MICAL2: variants seen among roughly 807,000 people sequenced by gnomAD.
The protein encoded by MICAL2 is microtubule associated monooxygenase, calponin and LIM domain containing 2, also known as [F-actin]-monooxygenase MICAL2.
Under a neutral mutation model 127.3 loss-of-function variants are expected in MICAL2, and 77 were observed. That is an observed-to-expected ratio of 0.60 (90% CI 0.50 to 0.73). MICAL2 has a LOEUF of 0.73. Among genes scored for constraint, MICAL2 ranks in the 30% least tolerant of loss-of-function variants. MICAL2 has a pLI of 0.00. For missense variants in MICAL2, 1,351 were observed against 1,434.4 expected, an observed-to-expected ratio of 0.94 and a Z score of 0.94; for synonymous variants, 570 against 551.1, an observed-to-expected ratio of 1.03 and a Z score of -0.48.
intron 2 of MICAL2, among the ~76,000 whole-genome samples, chr11:12,143,928 G>T (rs543972359): frequency 6.6e-6 from 1 of 152,268 alleles, no homozygotes; most frequent in East Asian, 1.9e-4. Context: ...AAGAATAATG[G>T]CGGAGAGAGA....
chr11:12,220,314 A>G lies in MICAL2; in HGVS notation c.1062A>G (p.Leu354=). The G allele has an allele frequency of 1.2e-6, 2 of 1,614,190 alleles. No individual in the cohort carries two copies. Among genetic ancestry groups the G allele is most frequent in the African/African-American group, 2.7e-5 (2 of 75,034 alleles). ...CCACCAACTACCAGCTGCCATCCTT[A>G]GACTTTGCCATGAACCACTATGGGC... The part of the protein sequence containing the change: ...DFATNYQLPS[L]DFAMNHYGQP... Residue 354 remains leucine (L), a synonymous_variant, in exon 9 of 28, where the codon TTA becomes TTG. Transcript: ENST00000683283.
At chr11:12,324,217 G>A (rs2134847796) in intron 31 of MICAL2, 1 of 995,682 alleles carries the variant, frequency 1.0e-6, no homozygotes, top group East Asian at 3.0e-5. Context: ...CCAGATTTGT[G>A]GCCGTTTTAA....
chr11:12,347,113 G>A (rs571201365), intron 32 of MICAL2, among the ~76,000 whole-genome samples: 3 of 147,804 alleles, frequency 2.0e-5, no homozygotes, highest in South Asian at 2.2e-4. Flanking sequence ...CTTCCCCATT[G>A]CCTTGTGTTT....
intron 15 of MICAL2, among the ~76,000 whole-genome samples, chr11:12,230,176 G>T (rs529632237): frequency 1.3e-5 from 2 of 152,300 alleles, no homozygotes; most frequent in East Asian, 3.9e-4. Context: ...ATACCTTGTT[G>T]TATCTGAATG....
chr11:12,257,035 G>A, intron 24 of MICAL2, 64 bp downstream of exon 24: 1 of 1,506,434 alleles, frequency 6.6e-7, no homozygotes, highest in Non-Finnish European at 8.9e-7. Flanking sequence ...CCTTGGCTCG[G>A]GTTCCTGTCC....
intron 3 of MICAL2, among the ~76,000 whole-genome samples, chr11:12,189,603 A>G (rs1858806855): frequency 6.6e-6 from 1 of 152,054 alleles, no homozygotes; most frequent in South Asian, 2.1e-4. Flanking sequence ...CACCCCCACT[A>G]CCTCCACCAC....
rs146607427 is a variant in MICAL2 at position 12,149,031 on chromosome 11, T to G, written c.-78+10571T>G. Reference sequence around the variant, plus strand: ...GGTGGGTTGGGTTTGGTGACCAGTCTGCCTGACTCCAGAGTCCAAACTGGG... The same window carrying G: ...GGTGGGTTGGGTTTGGTGACCAGTCGGCCTGACTCCAGAGTCCAAACTGGG... On this transcript the variant is annotated intron_variant, in intron 2 of 27. Transcript: ENST00000683283. Among the ~76,000 whole-genome samples the G allele has an allele frequency of 4.7e-3, 713 of 152,318 alleles. 3 individuals carry two copies. The highest frequency in any genetic ancestry group is 6.8e-3 in the Middle Eastern group (2 of 294).
chr11:12,267,476 T>C (rs755172023), downstream of MICAL2, among the ~76,000 whole-genome samples: 4 of 152,108 alleles, frequency 2.6e-5, no homozygotes, highest in Non-Finnish European at 5.9e-5. Context: ...CCAGAAGCTG[T>C]CCATTCCTCA....
intron 5 of MICAL2, among the ~76,000 whole-genome samples, chr11:12,208,974 C>T (rs1267366752): frequency 6.6e-6 from 1 of 152,130 alleles, no homozygotes; most frequent in Non-Finnish European, 1.5e-5. Context: ...TAACCTTTTC[C>T]AGACCTCTAG....
intron 15 of MICAL2, among the ~76,000 whole-genome samples, chr11:12,227,852 C>T (rs761508270): frequency 6.6e-6 from 1 of 152,200 alleles, no homozygotes; most frequent in Non-Finnish European, 1.5e-5. Context: ...GTCTGACAGA[C>T]ATGATAGTGT....
chr11:12,334,893 A>G (rs982508666), intron 32 of MICAL2, among the ~76,000 whole-genome samples: 1 of 152,126 alleles, frequency 6.6e-6, no homozygotes, highest in Admixed American at 6.5e-5. Flanking sequence ...GGCTATTGTG[A>G]ATAGTGCTGC....
rs140929350 is a variant in MICAL2 at position 12,137,857 on chromosome 11, A to G, written c.-148-533A>G. ...TTTTCTGCAGAAGCAATAGGATGTC[A>G]TGAAATAATGTGGGTCGTCACTGGA... On this transcript the variant is annotated intron_variant, in intron 1 of 27. Coordinates refer to ENST00000683283, the MANE Select transcript of MICAL2 (RefSeq NM_001282663.2). Among the ~76,000 whole-genome samples, 13 of 152,352 alleles carry G rather than the reference A, an allele frequency of 8.5e-5. 1 individual carries two copies. The East Asian group carries it at 2.1e-3, about 25-fold the overall frequency.
intron 15 of MICAL2, among the ~76,000 whole-genome samples, chr11:12,227,839 G>A (rs1857670953): frequency 6.6e-6 from 1 of 152,190 alleles, no homozygotes; most frequent in Admixed American, 6.5e-5. Flanking sequence ...CATTTTTCAA[G>A]ATGTCTGACA....
At chr11:12,311,044 C>A (rs1452577793) in intron 29 of MICAL2, among the ~76,000 whole-genome samples, 2 of 152,060 alleles carry the variant, frequency 1.3e-5, no homozygotes, top group Non-Finnish European at 2.9e-5. Context: ...TTGTATCCTG[C>A]AAATTTACTA....
rs1372754970 is a variant in MICAL2 at position 12,204,476 on chromosome 11, G to A, written c.472+19G>A. On this transcript the variant is annotated intron_variant, in intron 4 of 27. Coordinates refer to ENST00000683283, the MANE Select transcript of MICAL2 (RefSeq NM_001282663.2). Reference sequence around the variant, plus strand: ...CATATCAGTGAGTGGAGTCTATGGTGATATCCCATGAAGGGAGGGGACTGA... The same window carrying A: ...CATATCAGTGAGTGGAGTCTATGGTAATATCCCATGAAGGGAGGGGACTGA... 2 of 1,611,494 alleles carry A rather than the reference G, an allele frequency of 1.2e-6. No individual in the cohort carries two copies. The highest frequency in any genetic ancestry group is 2.2e-5 in the East Asian group (1 of 44,864).
chr11:12,271,184 T>C (rs1209932050), upstream of MICAL2, among the ~76,000 whole-genome samples: 1 of 152,218 alleles, frequency 6.6e-6, no homozygotes, highest in Admixed American at 6.5e-5. Flanking sequence ...TGGGCAAAGC[T>C]GCTTCGTGCC....
At chr11:12,163,207 A>G (rs1855046766) in intron 3 of MICAL2, among the ~76,000 whole-genome samples, 1 of 152,118 alleles carries the variant, frequency 6.6e-6, no homozygotes, top group African/African-American at 2.4e-5. Context: ...TTTCTCTGAC[A>G]TTTCTGAAAT....
chr11:12,143,303 C>A (rs1166951704), intron 2 of MICAL2, among the ~76,000 whole-genome samples: 1 of 152,060 alleles, frequency 6.6e-6, no homozygotes, highest in Non-Finnish European at 1.5e-5. Flanking sequence ...GCTGAGGGTG[C>A]AAGGAATGAG....
chr11:12,291,794 C>A (rs370557341), downstream of MICAL2, among the ~76,000 whole-genome samples: 2 of 152,226 alleles, frequency 1.3e-5, no homozygotes, highest in African/African-American at 4.8e-5. Flanking sequence ...TAACACAGCC[C>A]AGCTCCCAAC....
Sources: gnomAD v4.1 joint callset for allele counts (sites outside exome capture counted in the v4.1 genomes callset) on GRCh38, gnomAD v4.1.1 for gene constraint, MANE v1.5 for transcripts, NCBI Gene and HGNC (gene_info 2026-07-23, HGNC 2026-07-21) for gene names.